LPP: variants seen among roughly 807,000 people sequenced by gnomAD.
The protein encoded by LPP is lipoma-preferred partner.
In LPP, 38 loss-of-function variants were observed where a neutral mutation model predicts 60.4. The ratio of observed to expected loss-of-function variants is 0.63; its 90% CI spans 0.49 to 0.83. LPP has a LOEUF of 0.83. Ranked by LOEUF, LPP falls within the 40% of genes least tolerant of loss-of-function variation. The pLI is 0.00. For synonymous variants in LPP, 328 were observed against 290.8 expected (o/e 1.13, Z -1.30); for missense variants, 902 against 783.6 (o/e 1.15, Z -1.80).
chr3:188,603,147 C>A (rs933116045), intron 6 of LPP, among the ~76,000 whole-genome samples: 16 of 151,862 alleles, frequency 1.1e-4, no homozygotes, highest in African/African-American at 3.6e-4. Flanking sequence ...ATAGCAGCTG[C>A]CTTTTTAACA....
intron 1 of LPP, among the ~76,000 whole-genome samples, chr3:188,167,296 G>A (rs549737743): frequency 2.1e-4 from 32 of 152,226 alleles, no homozygotes; most frequent in African/African-American, 7.5e-4. Flanking sequence ...TCAGGAGCTC[G>A]AGACCAACCT....
At chr3:188,608,516 T>TGTTCC (rs2151353153) in intron 6 of LPP, among the ~76,000 whole-genome samples, 1 of 152,102 alleles carries the variant, frequency 6.6e-6, no homozygotes, top group South Asian at 2.1e-4. Context: ...CTCTCTGTTC[T>TGTTCC]GTTGGTCTGT....
chr3:188,300,362 G>T (rs376164352), intron 2 of LPP, among the ~76,000 whole-genome samples: 24 of 151,528 alleles, frequency 1.6e-4, no homozygotes, highest in East Asian at 5.8e-4. Context: ...GAGATTTTGT[G>T]ACGAACGATT....
At chr3:188,438,755 G>T (rs1407131992) in intron 4 of LPP, among the ~76,000 whole-genome samples, 1 of 152,190 alleles carries the variant, frequency 6.6e-6, no homozygotes, top group Non-Finnish European at 1.5e-5. Context: ...AAAACCACGT[G>T]AAGAGAATTA....
At chr3:188,473,269 A>T (rs1802314200) in intron 4 of LPP, among the ~76,000 whole-genome samples, 1 of 152,208 alleles carries the variant, frequency 6.6e-6, no homozygotes, top group Non-Finnish European at 1.5e-5. Flanking sequence ...AGCCAGGTAA[A>T]CACTGACATA....
At chr3:188,486,621 G>C (rs1381621646) in intron 5 of LPP, among the ~76,000 whole-genome samples, 2 of 152,150 alleles carry the variant, frequency 1.3e-5, no homozygotes. Flanking sequence ...AAAGGCTTTT[G>C]ATATTATCTA....
intron 6 of LPP, among the ~76,000 whole-genome samples, chr3:188,575,427 T>C (rs76658996): frequency 0.017 from 2,652 of 152,262 alleles, 72 homozygotes; most frequent in African/African-American, 0.061. Context: ...CCTGTAACAA[T>C]CCTACAAGAA....
At position 188,239,763 on chromosome 3, in the gene LPP, A is replaced by G. The variant is rs571404655; in HGVS notation, c.-67+14236A>G. The stretch of plus-strand genomic sequence containing the variant: ...AGCACAAATTAGAAGTCTTTGCCCT[A>G]TTACTGCACTATTAGTATTGATTGC... On this transcript the variant is annotated intron_variant, in intron 2 of 11. Coordinates refer to ENST00000617246, the MANE Select transcript of LPP (RefSeq NM_001375462.1). 6 of 217,316 alleles carry G rather than the reference A, an allele frequency of 2.8e-5. No homozygotes were observed. In the South Asian group the frequency reaches 5.6e-4, roughly 20 times the overall value. The allele number at this position is 217,316 out of a possible 1,614,324, so 13.5% of individuals were successfully genotyped here.
intron 2 of LPP, among the ~76,000 whole-genome samples, chr3:188,334,012 G>T (rs1304651665): frequency 6.6e-6 from 1 of 152,048 alleles, no homozygotes; most frequent in South Asian, 2.1e-4. Context: ...CCAACCTTTG[G>T]CTATCCTCCC....
rs564057833 is a variant in LPP at position 188,600,816 on chromosome 3, T to G, written c.430-8345T>G. 4.8e-3 allele frequency among the ~76,000 whole-genome samples: 661 copies of G among 137,824 alleles called. 8 individuals carry two copies. The highest frequency in any genetic ancestry group is 0.018 in the African/African-American group (628 of 34,092). The allele number at this position is 137,824 out of a possible 152,430, so 90.4% of individuals were successfully genotyped here. A position where few individuals can be genotyped will look rare whatever the true frequency, so the allele number is the denominator to read the frequency against. The stretch of plus-strand genomic sequence containing the variant: ...AGAACCATATGGTATTTGTTTTTTG[T>G]TTTTTGTTTTTGTAACTGGCTTGTT... On this transcript the variant is annotated intron_variant, in intron 6 of 11. Coordinates refer to ENST00000617246, the MANE Select transcript of LPP (RefSeq NM_001375462.1).
At chr3:188,411,661 G>T (rs1012369353) in intron 4 of LPP, among the ~76,000 whole-genome samples, 18 of 151,730 alleles carry the variant, frequency 1.2e-4, no homozygotes, top group Non-Finnish European at 2.2e-4. Flanking sequence ...CTATAATCTG[G>T]GTTTTCACTC....
At chr3:188,837,962 G>C (rs1029502679) in intron 9 of LPP, among the ~76,000 whole-genome samples, 1 of 152,028 alleles carries the variant, frequency 6.6e-6, no homozygotes, top group East Asian at 1.9e-4. Flanking sequence ...GTGGGAAAAC[G>C]TGAAACAACT....
intron 2 of LPP, among the ~76,000 whole-genome samples, chr3:188,260,103 G>A (rs1175857191): frequency 2.6e-5 from 4 of 151,778 alleles, no homozygotes; most frequent in African/African-American, 4.8e-5. Flanking sequence ...GCAGTGGCAC[G>A]ATCTCGGCTG....
chr3:188,317,992 G>A (rs1041026657), intron 2 of LPP, among the ~76,000 whole-genome samples: 12 of 152,166 alleles, frequency 7.9e-5, no homozygotes, highest in African/African-American at 2.9e-4. Context: ...CTGGAGTGTG[G>A]GAGGACAGGC....
chr3:188,347,492 G>A (rs985979711), intron 3 of LPP, among the ~76,000 whole-genome samples: 1 of 152,178 alleles, frequency 6.6e-6, no homozygotes, highest in Non-Finnish European at 1.5e-5. Context: ...GAGATGAGGA[G>A]ATGAAGAGTA....
chr3:188,165,251 G>T (rs1204037624), intron 1 of LPP, among the ~76,000 whole-genome samples: 1 of 152,136 alleles, frequency 6.6e-6, no homozygotes, highest in East Asian at 1.9e-4. Context: ...ACTCCAGCTG[G>T]GGTTACAGAA....
intron 1 of LPP, among the ~76,000 whole-genome samples, chr3:188,207,501 G>A (rs561542070): frequency 6.6e-6 from 1 of 151,254 alleles, no homozygotes; most frequent in Middle Eastern, 3.5e-3. Flanking sequence ...CAAAGTGCTG[G>A]GATTACAGGT....
At chr3:188,340,266 A>G (rs4234605) in intron 2 of LPP, among the ~76,000 whole-genome samples, 40,079 of 152,080 alleles carry the variant, frequency 0.26, 6,631 homozygotes, top group African/African-American at 0.45. Context: ...TTATAAAGGG[A>G]ATGGTTTGAG....
intron 2 of LPP, among the ~76,000 whole-genome samples, chr3:188,272,406 G>A (rs1450660620): frequency 6.6e-6 from 1 of 152,136 alleles, no homozygotes; most frequent in Non-Finnish European, 1.5e-5. Context: ...GTGGGTGCCT[G>A]CTCACCGTAA....
Sources: gnomAD v4.1 joint callset for allele counts (sites outside exome capture counted in the v4.1 genomes callset) on GRCh38, gnomAD v4.1.1 for gene constraint, MANE v1.5 for transcripts, NCBI Gene and HGNC (gene_info 2026-07-23, HGNC 2026-07-21) for gene names.